Variants in NCKAP1 observed in about 807,000 individuals in gnomAD.
The protein encoded by NCKAP1 is nck-associated protein 1.
NCKAP1 carries 21 observed loss-of-function variants against 151.2 expected under a neutral mutation model. The ratio of observed to expected loss-of-function variants is 0.14; its 90% confidence interval spans 0.10 to 0.20. The LOEUF (loss-of-function observed/expected upper bound fraction) is 0.20. Among genes scored for constraint, NCKAP1 ranks in the 10% least tolerant of loss-of-function variants. NCKAP1 has a pLI of 1.00. For missense variants in NCKAP1, 933 were observed against 1,352.1 expected (o/e 0.69, Z 4.86); for synonymous variants, 484 against 451.8 (o/e 1.07, Z -0.90).
intron 10 of NCKAP1, among the ~76,000 whole-genome samples, chr2:182,984,408 T>C (rs1301551820): frequency 2.7e-5 from 3 of 112,376 alleles, no homozygotes; most frequent in Non-Finnish European, 6.0e-5. Flanking sequence ...AAGAAAGTTT[T>C]AGAATTTAGA....
chr2:182,961,912 C>A (rs1697461827), intron 18 of NCKAP1, among the ~76,000 whole-genome samples: 1 of 152,152 alleles, frequency 6.6e-6, no homozygotes, highest in South Asian at 2.1e-4. Context: ...GAATCAGGTG[C>A]TAACACTACA....
chr2:183,029,829 A>G (rs1252757931), intron 1 of NCKAP1, among the ~76,000 whole-genome samples: 4 of 151,590 alleles, frequency 2.6e-5, no homozygotes, highest in African/African-American at 9.7e-5. Flanking sequence ...TCGAAAAAAA[A>G]AAAAAAAAAA....
At chr2:182,951,015 T>G (rs950756532) in intron 23 of NCKAP1, among the ~76,000 whole-genome samples, 1 of 152,096 alleles carries the variant, frequency 6.6e-6, no homozygotes, top group East Asian at 2.0e-4. Context: ...GTATTTTCAG[T>G]AGAGGGGGGA....
intron 10 of NCKAP1, among the ~76,000 whole-genome samples, chr2:182,983,609 T>C (rs1382061677): frequency 2.6e-5 from 4 of 152,214 alleles, no homozygotes; most frequent in African/African-American, 9.6e-5. Flanking sequence ...TTATTCTCCA[T>C]CTATCAAAAT....
chr2:183,008,619 T>G (rs1698527930), intron 2 of NCKAP1, among the ~76,000 whole-genome samples: 1 of 152,202 alleles, frequency 6.6e-6, no homozygotes, highest in Non-Finnish European at 1.5e-5. Context: ...GGGGTGCTCT[T>G]CAACATTTCT....
At chr2:183,030,894 C>T (rs1191554077) in intron 1 of NCKAP1, among the ~76,000 whole-genome samples, 1 of 152,114 alleles carries the variant, frequency 6.6e-6, no homozygotes, top group African/African-American at 2.4e-5. Flanking sequence ...GTTAGCTTTC[C>T]GATTATTTTT....
At chr2:182,984,423 G>GGGTGT (rs984252600) in intron 10 of NCKAP1, among the ~76,000 whole-genome samples, 1 of 144,282 alleles carries the variant, frequency 6.9e-6, no homozygotes, top group Non-Finnish European at 1.6e-5. Context: ...TTTAGATTGG[G>GGGTGT]GTGTGTGTGT....
intron 15 of NCKAP1, among the ~76,000 whole-genome samples, chr2:182,971,373 G>C (rs1697686341): frequency 8.0e-6 from 1 of 124,428 alleles, no homozygotes; most frequent in Non-Finnish European, 1.6e-5. Flanking sequence ...CAGCCTGGGC[G>C]ACAGAGCGAG....
rs1696375419 is a variant in NCKAP1 at position 182,910,854 on chromosome 2, G to C, written c.*14848C>G. 6.6e-6 allele frequency: 1 copy of C among 151,956 alleles called. No homozygotes were observed. Among genetic ancestry groups the C allele is most frequent in the Admixed American group, 6.6e-5 (1 of 15,242 alleles). The allele number at this position is 151,956 out of a possible 1,614,324, so 9.4% of individuals were successfully genotyped here. On this transcript the variant is annotated 3_prime_UTR_variant, in exon 31 of 31. Coordinates refer to ENST00000361354, the MANE Select transcript of NCKAP1 (RefSeq NM_013436.5). Reference sequence around the variant, plus strand: ...CTTCAGAGAAAGTTACTGAGAAGAAGGTGATTGCTAAGTATTTACAGATTA... The same window carrying C: ...CTTCAGAGAAAGTTACTGAGAAGAACGTGATTGCTAAGTATTTACAGATTA...
At position 182,935,332 on chromosome 2, in the gene NCKAP1, A is replaced by G. The variant is rs144374101; in HGVS notation, c.2739T>C (p.Ile913=). ...VLKRMTIIGV[I]LSFRSLAQEA... ...CTTGTGCCAATGATCGGAAGGATAA[A>G]ATTACACCAATTATTGTCATCCTCT... The change falls in exon 25 of 31, where the codon ATT becomes ATC. Residue 913 remains isoleucine (I), a synonymous_variant. Coordinates refer to ENST00000361354, the MANE Select transcript of NCKAP1 (RefSeq NM_013436.5). 4.9e-3 allele frequency: 7,857 copies of G among 1,590,640 alleles called. 32 individuals carry two copies. The highest frequency in any genetic ancestry group is 5.8e-3 in the Non-Finnish European group (6,841 of 1,172,402).
At chr2:182,943,466 G>C (rs1697037306) in intron 23 of NCKAP1, among the ~76,000 whole-genome samples, 1 of 151,860 alleles carries the variant, frequency 6.6e-6, no homozygotes, top group South Asian at 2.1e-4. Flanking sequence ...CTCTGATTAG[G>C]CTGCCTGCTC....
At chr2:183,026,086 TACAC>T (rs1340585144) in intron 1 of NCKAP1, among the ~76,000 whole-genome samples, 1 of 152,206 alleles carries the variant, frequency 6.6e-6, no homozygotes, top group Admixed American at 6.5e-5. Flanking sequence ...TATGTGTGTA[TACAC>T]ACATACACAT....
Position 182,925,619 on chromosome 2 carries a change from G to C in NCKAP1, c.*83C>G. The C allele has an allele frequency of 1.5e-6, 1 of 663,086 alleles. No individual in the cohort carries two copies. 41.1% of individuals were successfully genotyped at this position (663,086 alleles called of 1,614,324 possible). A position where few individuals can be genotyped will look rare whatever the true frequency, so the allele number is the denominator to read the frequency against. ...TTTATAATCCACAAAACTTTTTCAG[G>C]TCTTAAGGTAAAATAGTTCCACAGT... On this transcript the variant is annotated 3_prime_UTR_variant, in exon 31 of 31. Transcript: ENST00000361354.
rs1237401361 is a variant in NCKAP1 at position 182,911,827 on chromosome 2, G to T, written c.*13875C>A. 1 of 151,530 alleles carries T rather than the reference G, an allele frequency of 6.6e-6. No individual in the cohort carries two copies. The highest frequency in any genetic ancestry group is 2.4e-5 in the African/African-American group (1 of 41,326). The allele number at this position is 151,530 out of a possible 1,614,324, so 9.4% of individuals were successfully genotyped here. A position where few individuals can be genotyped will look rare whatever the true frequency, so the allele number is the denominator to read the frequency against. ...TAATTGCCTCAACAAATTCAAGATGGTTATACTTTTTAAAAAAGTTTTTCA... is the reference window on the plus strand; with the variant it reads ...TAATTGCCTCAACAAATTCAAGATGTTTATACTTTTTAAAAAAGTTTTTCA... On this transcript the variant is annotated 3_prime_UTR_variant, in exon 31 of 31. Coordinates refer to ENST00000361354, the MANE Select transcript of NCKAP1 (RefSeq NM_013436.5).
At chr2:182,967,881 G>C (rs1697606536) in intron 15 of NCKAP1, among the ~76,000 whole-genome samples, 1 of 152,052 alleles carries the variant, frequency 6.6e-6, no homozygotes, top group Admixed American at 6.6e-5. Context: ...AAAAGTGATA[G>C]AACTAAACGA....
chr2:182,988,170 C>T (rs1038100869), intron 9 of NCKAP1, among the ~76,000 whole-genome samples: 1 of 152,030 alleles, frequency 6.6e-6, no homozygotes, highest in Non-Finnish European at 1.5e-5. Context: ...ATTTGCATTT[C>T]GGGGTAATTC....
Position 182,911,259 on chromosome 2 carries a change from G to A in NCKAP1, c.*14443C>T, listed in dbSNP as rs1257975802. On this transcript the variant is annotated 3_prime_UTR_variant, in exon 31 of 31. Transcript: ENST00000361354. ...CCATGGAGTGGTTCTGGCCAGTCTA[G>A]GGAAGATGCAGTGAGGGTTTTTGTG... is the stretch of plus-strand genomic sequence containing the variant. The A allele has an allele frequency of 6.6e-6, 1 of 152,446 alleles. No individual in the cohort carries two copies. The highest frequency in any genetic ancestry group is 2.4e-5 in the African/African-American group (1 of 41,418). The allele number at this position is 152,446 out of a possible 1,614,324, so 9.4% of individuals were successfully genotyped here.
intron 2 of NCKAP1, among the ~76,000 whole-genome samples, chr2:183,009,297 C>A (rs942217269): frequency 4.0e-5 from 6 of 149,394 alleles, no homozygotes; most frequent in African/African-American, 1.5e-4. Context: ...ATCACTTGAA[C>A]CTGGGAGGTG....
At chr2:182,926,724 A>G in intron 30 of NCKAP1, 92 bp downstream of exon 30, 2 of 868,476 alleles carry the variant, frequency 2.3e-6, no homozygotes, top group South Asian at 3.4e-5. Flanking sequence ...AAAGGGATCA[A>G]AAAAAGTATT....
Sources: allele counts gnomAD v4.1 joint callset (sites outside exome capture counted in the v4.1 genomes callset), GRCh38; gene constraint gnomAD v4.1.1; transcripts MANE v1.5; gene names NCBI Gene and HGNC (gene_info 2026-07-23, HGNC 2026-07-21).